Variants in RASAL2 observed in about 807,000 individuals in gnomAD.
RASAL2 encodes ras GTPase-activating protein nGAP.
RASAL2 carries 58 observed loss-of-function variants against 128.9 expected under a neutral mutation model. The ratio of observed to expected loss-of-function variants is 0.45; its 90% CI spans 0.36 to 0.56. The LOEUF (loss-of-function observed/expected upper bound fraction) is 0.56, where lower values mean the gene tolerates loss of function less well. Ranked by LOEUF, RASAL2 falls within the 20% of genes least tolerant of loss-of-function variation. The probability of loss-of-function intolerance (pLI) is 0.00; values close to 1 mark genes in which losing one functional copy is unlikely to be tolerated. For missense variants in RASAL2, 1,360 were observed against 1,601.6 expected, an observed-to-expected ratio of 0.85 and a Z score of 2.57; for synonymous variants, 561 against 580.8, an observed-to-expected ratio of 0.97 and a Z score of 0.49.
intron 1 of RASAL2, among the ~76,000 whole-genome samples, chr1:178,167,582 T>A (rs1661560070): frequency 6.6e-6 from 1 of 152,126 alleles, no homozygotes; most frequent in Admixed American, 6.6e-5. Context: ...TGCATGTAAC[T>A]TTTGTCTCTT....
intron 1 of RASAL2, among the ~76,000 whole-genome samples, chr1:178,215,062 G>A (rs560109680): frequency 6.6e-6 from 1 of 152,186 alleles, no homozygotes; most frequent in Non-Finnish European, 1.5e-5. Flanking sequence ...TTCTTCAAAT[G>A]TTATCTCATG....
At chr1:178,466,155 G>C (rs1162042501) in intron 16 of RASAL2, 33 bp downstream of exon 16, 2 of 1,509,486 alleles carry the variant, frequency 1.3e-6, no homozygotes, top group Admixed American at 4.8e-5. Context: ...ATGTGGGCTA[G>C]TTAGCAAGAC....
chr1:178,282,198 A>G (rs57373889), intron 1 of RASAL2, among the ~76,000 whole-genome samples: 7,295 of 152,228 alleles, frequency 0.048, 240 homozygotes, highest in African/African-American at 0.098. Flanking sequence ...CCAAGCCCTA[A>G]TAACACTGTT....
chr1:178,100,415 T>C (rs746772945), intron 1 of RASAL2, among the ~76,000 whole-genome samples: 2 of 151,086 alleles, frequency 1.3e-5, no homozygotes, highest in African/African-American at 4.9e-5. Context: ...TCCCAGCTAC[T>C]CGGGATGCTG....
At chr1:178,387,016 C>G (rs1672615188) in intron 3 of RASAL2, among the ~76,000 whole-genome samples, 1 of 152,184 alleles carries the variant, frequency 6.6e-6, no homozygotes, top group African/African-American at 2.4e-5. Flanking sequence ...TCCGCTCTTG[C>G]TAATGCTGCT....
At chr1:178,291,631 A>G (rs1348051135) in intron 2 of RASAL2, among the ~76,000 whole-genome samples, 1 of 152,256 alleles carries the variant, frequency 6.6e-6, no homozygotes. Flanking sequence ...CTTTACTTGA[A>G]TAAGTTTGAT....
At chr1:178,420,862 A>G (rs1675099812) in intron 5 of RASAL2, among the ~76,000 whole-genome samples, 1 of 152,186 alleles carries the variant, frequency 6.6e-6, no homozygotes, top group Non-Finnish European at 1.5e-5. Flanking sequence ...GAGTCAGTTA[A>G]GCTATTTCTG....
chr1:178,388,570 A>G (rs553827601), intron 3 of RASAL2, among the ~76,000 whole-genome samples: 11 of 152,326 alleles, frequency 7.2e-5, no homozygotes, highest in African/African-American at 2.2e-4. Context: ...TCAGCCTCTC[A>G]GTCTTTAGGA....
chr1:178,205,153 C>T (rs567470943), intron 1 of RASAL2, among the ~76,000 whole-genome samples: 31 of 152,182 alleles, frequency 2.0e-4, no homozygotes, highest in South Asian at 6.2e-4. Flanking sequence ...TATAGGCGTA[C>T]GCTTCCATGC....
Position 178,117,308 on chromosome 1 carries a change from A to G in RASAL2, c.202+22614A>G, listed in dbSNP as rs145693246. On this transcript the variant is annotated intron_variant, in intron 1 of 17. Transcript: ENST00000367649. ...CAATCAGGTGCAGTTTCTGAGATGA[A>G]CTCAACTCTAACCATTCTGTTTAAG... is the stretch of plus-strand genomic sequence containing the variant. Among the ~76,000 whole-genome samples, 47 of 152,244 alleles carry G rather than the reference A, an allele frequency of 3.1e-4. No individual in the cohort carries two copies. The East Asian group carries it at 7.7e-3, about 25-fold the overall frequency.
intron 3 of RASAL2, among the ~76,000 whole-genome samples, chr1:178,377,507 A>G (rs1037409630): frequency 1.3e-5 from 2 of 152,154 alleles, no homozygotes; most frequent in Non-Finnish European, 2.9e-5. Context: ...TTTAATGGCT[A>G]TAATATAGGA....
At chr1:178,152,290 A>G (rs1167174731) in intron 1 of RASAL2, among the ~76,000 whole-genome samples, 1 of 152,138 alleles carries the variant, frequency 6.6e-6, no homozygotes, top group Non-Finnish European at 1.5e-5. Flanking sequence ...AGGGCATGGG[A>G]ACTATGTGTC....
At chr1:178,297,358 T>C (rs1241017894) in intron 2 of RASAL2, among the ~76,000 whole-genome samples, 1 of 151,836 alleles carries the variant, frequency 6.6e-6, no homozygotes, top group African/African-American at 2.4e-5. Context: ...TCCCAGCACT[T>C]TGGGAGGCTG....
At chr1:178,265,925 T>C (rs1277616747) in intron 1 of RASAL2, among the ~76,000 whole-genome samples, 1 of 152,258 alleles carries the variant, frequency 6.6e-6, no homozygotes, top group East Asian at 1.9e-4. Flanking sequence ...ACATATTGTT[T>C]TCTATAGTTA....
intron 1 of RASAL2, among the ~76,000 whole-genome samples, chr1:178,113,517 T>A (rs1379070218): frequency 1.4e-4 from 8 of 56,256 alleles, no homozygotes; most frequent in Non-Finnish European, 2.7e-4. Flanking sequence ...TGCGAGTGTG[T>A]GTGTGTGTGT....
chr1:178,189,213 G>T (rs977953458), intron 1 of RASAL2, among the ~76,000 whole-genome samples: 2 of 152,100 alleles, frequency 1.3e-5, no homozygotes, highest in South Asian at 4.1e-4. Flanking sequence ...CATAATTACA[G>T]TTCTTATATT....
At chr1:178,262,092 G>A (rs558106764) in intron 1 of RASAL2, among the ~76,000 whole-genome samples, 112 of 152,124 alleles carry the variant, frequency 7.4e-4, no homozygotes, top group African/African-American at 2.6e-3. Context: ...ATATAAAGAC[G>A]AATAATTGAA....
intron 9 of RASAL2, among the ~76,000 whole-genome samples, chr1:178,447,057 A>C (rs1304752127): frequency 1.3e-5 from 2 of 152,230 alleles, no homozygotes; most frequent in Non-Finnish European, 2.9e-5. Context: ...TAATTTGTGA[A>C]AACCTCAAAT....
At chr1:178,287,297 T>C (rs114786701) in intron 2 of RASAL2, among the ~76,000 whole-genome samples, 200 of 152,060 alleles carry the variant, frequency 1.3e-3, no homozygotes, top group African/African-American at 4.1e-3. Context: ...TAATGCTGCT[T>C]GGCAATCACA....
Sources: allele counts gnomAD v4.1 joint callset (sites outside exome capture counted in the v4.1 genomes callset), GRCh38; gene constraint gnomAD v4.1.1; transcripts MANE v1.5; gene names NCBI Gene and HGNC (gene_info 2026-07-23, HGNC 2026-07-21).